Variants in LINGO2 observed in about 807,000 individuals in gnomAD.
LINGO2 encodes the protein leucine-rich repeat and immunoglobulin-like domain-containing nogo receptor-interacting protein 2.
LINGO2 carries 14 observed loss-of-function variants against 30.6 expected under a neutral mutation model. The observed-to-expected ratio is 0.46, with a 90% CI of 0.30 to 0.72. The LOEUF is 0.72. LINGO2 is among the 30% of genes least tolerant of loss of function. The pLI, the probability that LINGO2 is intolerant of heterozygous loss-of-function variation, is 0.07. For missense variants in LINGO2, 729 were observed against 751.7 expected, an observed-to-expected ratio of 0.97 and a Z score of 0.35; for synonymous variants, 317 against 288.5, an observed-to-expected ratio of 1.10 and a Z score of -1.00.
At chr9:28,138,067 T>A (rs1827567128) in intron 4 of LINGO2, among the ~76,000 whole-genome samples, 1 of 152,160 alleles carries the variant, frequency 6.6e-6, no homozygotes, top group Non-Finnish European at 1.5e-5. Flanking sequence ...TCCTATTTTA[T>A]AGAATAAAAA....
chr9:28,518,504 C>T (rs1342141471), intron 1 of LINGO2, among the ~76,000 whole-genome samples: 3 of 152,262 alleles, frequency 2.0e-5, no homozygotes, highest in African/African-American at 7.2e-5. Context: ...GAAGGACACT[C>T]TCGACTTACC....
At chr9:27,942,110 T>C in the LINGO2 span, 2 of 152,216 alleles carry the variant, frequency 1.3e-5, no homozygotes, top group African/African-American at 4.8e-5. Context: ...GTGTGGTTGA[T>C]ATTACATAAA....
intron 4 of LINGO2, among the ~76,000 whole-genome samples, chr9:28,243,293 C>T (rs561543852): frequency 5.3e-5 from 8 of 151,882 alleles, no homozygotes; most frequent in African/African-American, 1.9e-4. Context: ...CCCATCTGTA[C>T]TAAAAAATAC....
At chr9:27,948,657 G>A in exon 6 of LINGO2, 2 of 643,802 alleles carry the variant, frequency 3.1e-6, no homozygotes, top group Non-Finnish European at 5.4e-6. Context: ...ACTGTGTGAA[G>A]GGCTCTGACA....
At chr9:28,248,313 A>G (rs183738118) in intron 4 of LINGO2, among the ~76,000 whole-genome samples, 194 of 152,322 alleles carry the variant, frequency 1.3e-3, no homozygotes, top group African/African-American at 4.5e-3. Flanking sequence ...AACAACAGGG[A>G]TGGAACTGGA....
chr9:28,602,500 A>G (rs1043782835), intron 1 of LINGO2, among the ~76,000 whole-genome samples: 2 of 152,074 alleles, frequency 1.3e-5, no homozygotes, highest in African/African-American at 4.8e-5. Context: ...TTGCAGGTAC[A>G]TAATTTTTTT....
chr9:28,449,655 G>A lies in LINGO2; in HGVS notation c.-279+26285C>T, dbSNP rs192131319. Reference sequence around the variant, plus strand: ...AATCAATTCTTTATTACCATACGACGAGTCTGGAAAATGGAGATCAGCTAG... The same window carrying A: ...AATCAATTCTTTATTACCATACGACAAGTCTGGAAAATGGAGATCAGCTAG... On this transcript the variant is annotated intron_variant, in intron 2 of 5. Transcript: ENST00000379992. 2.4e-3 allele frequency among the ~76,000 whole-genome samples: 372 copies of A among 151,940 alleles called. 1 individual carries two copies. The highest frequency in any genetic ancestry group is 4.1e-3 in the Admixed American group (62 of 15,254).
At chr9:28,355,964 T>C (rs2134476483) in intron 3 of LINGO2, among the ~76,000 whole-genome samples, 1 of 152,298 alleles carries the variant, frequency 6.6e-6, no homozygotes, top group African/African-American at 2.4e-5. Context: ...AGAGATTATG[T>C]GATTTCCAGA....
the LINGO2 span, among the ~76,000 whole-genome samples, chr9:28,903,421 T>G: frequency 6.6e-6 from 1 of 152,174 alleles, no homozygotes; most frequent in African/African-American, 2.4e-5. Context: ...ACATAACAGC[T>G]TCACTGATGA....
At chr9:29,004,936 A>G in the LINGO2 span, among the ~76,000 whole-genome samples, 1 of 152,000 alleles carries the variant, frequency 6.6e-6, no homozygotes, top group Non-Finnish European at 1.5e-5. Flanking sequence ...TAATAATAGT[A>G]CATCCTTTGT....
chr9:28,803,895 T>A, the LINGO2 span, among the ~76,000 whole-genome samples: 1 of 152,084 alleles, frequency 6.6e-6, no homozygotes, highest in Admixed American at 6.6e-5. Context: ...TATTTATTTA[T>A]GTTTTGTAAA....
chr9:28,855,558 T>TTA, the LINGO2 span, among the ~76,000 whole-genome samples: 1 of 151,994 alleles, frequency 6.6e-6, no homozygotes, highest in African/African-American at 2.4e-5. Context: ...CTATTCATTT[T>TTA]TATACATTTT....
the LINGO2 span, among the ~76,000 whole-genome samples, chr9:28,705,616 A>C: frequency 2.0e-5 from 3 of 152,130 alleles, no homozygotes; most frequent in African/African-American, 4.8e-5. Flanking sequence ...CACTGCCAGA[A>C]TCAGCAGGGG....
At chr9:29,027,307 A>G in the LINGO2 span, among the ~76,000 whole-genome samples, 6 of 152,162 alleles carry the variant, frequency 3.9e-5, no homozygotes, top group Non-Finnish European at 5.9e-5. Flanking sequence ...TGAATCTGTG[A>G]GGCAGATATG....
chr9:28,072,834 G>T (rs1825518526), intron 4 of LINGO2, among the ~76,000 whole-genome samples: 1 of 151,952 alleles, frequency 6.6e-6, no homozygotes, highest in Non-Finnish European at 1.5e-5. Context: ...ACCAGAAAGG[G>T]CAGGAATGGA....
chr9:28,218,596 A>AAGAC (rs1820850976), intron 4 of LINGO2, among the ~76,000 whole-genome samples: 1 of 152,130 alleles, frequency 6.6e-6, no homozygotes, highest in African/African-American at 2.4e-5. Context: ...CTATAAATAG[A>AAGAC]TTTCTGCTCT....
intron 4 of LINGO2, among the ~76,000 whole-genome samples, chr9:28,030,082 A>G (rs1163245411): frequency 1.3e-5 from 2 of 152,186 alleles, no homozygotes; most frequent in Non-Finnish European, 2.9e-5. Flanking sequence ...GACTTGTAAG[A>G]GCTTCCATAT....
At chr9:27,966,869 A>T (rs914819227) in intron 5 of LINGO2, among the ~76,000 whole-genome samples, 57 of 152,182 alleles carry the variant, frequency 3.7e-4, no homozygotes, top group African/African-American at 1.4e-3. Context: ...TACGGAGAAC[A>T]ACTACCCCTC....
intron 4 of LINGO2, among the ~76,000 whole-genome samples, chr9:28,165,847 A>G (rs902717812): frequency 3.9e-5 from 6 of 152,228 alleles, no homozygotes; most frequent in Non-Finnish European, 1.5e-5. Context: ...TCTGTTTTAC[A>G]TACCAATAAG....
Sources: gnomAD v4.1 joint callset for allele counts (sites outside exome capture counted in the v4.1 genomes callset) on GRCh38, gnomAD v4.1.1 for gene constraint, MANE v1.5 for transcripts, NCBI Gene and HGNC (gene_info 2026-07-23, HGNC 2026-07-21) for gene names.